Variants in ASIC2 observed in about 807,000 individuals in gnomAD.
ASIC2 encodes the protein acid-sensing ion channel 2.
A neutral mutation model predicts 57.3 loss-of-function variants in ASIC2; 25 were observed. That is an observed-to-expected ratio of 0.44 (90% CI 0.32 to 0.61). ASIC2 has a LOEUF of 0.61. ASIC2 is among the 20% of genes least tolerant of loss of function. The pLI is 0.06. For missense variants in ASIC2, 641 were observed against 738.1 expected (o/e 0.87, Z 1.52); for synonymous variants, 319 against 307.5 (o/e 1.04, Z -0.39).
intron 1 of ASIC2, among the ~76,000 whole-genome samples, chr17:34,055,928 A>G (rs1379354028): frequency 6.6e-6 from 1 of 152,324 alleles, no homozygotes; most frequent in South Asian, 2.1e-4. Context: ...CATTGGGAAT[A>G]GAGTAGAGGG....
At chr17:33,597,160 C>T (rs1905005705) in intron 1 of ASIC2, among the ~76,000 whole-genome samples, 1 of 152,226 alleles carries the variant, frequency 6.6e-6, no homozygotes. Flanking sequence ...CCAGCGGACA[C>T]CTGTTGACTG....
At chr17:33,970,306 G>A (rs1304918426) in intron 1 of ASIC2, among the ~76,000 whole-genome samples, 8 of 152,124 alleles carry the variant, frequency 5.3e-5, no homozygotes, top group African/African-American at 1.7e-4. Flanking sequence ...CCTCATTCTC[G>A]AAGCCCAGGC....
chr17:33,319,715 G>C (rs1431175123), intron 1 of ASIC2, among the ~76,000 whole-genome samples: 1 of 152,086 alleles, frequency 6.6e-6, no homozygotes, highest in Admixed American at 6.5e-5. Flanking sequence ...TGTATTTTTT[G>C]TAGAGATGGG....
chr17:33,220,847 T>C lies in ASIC2; in HGVS notation c.708+70561A>G. Among the ~76,000 whole-genome samples the C allele has an allele frequency of 1.3e-5, 2 of 152,006 alleles. 1 individual carries two copies. The highest frequency in any genetic ancestry group is 2.9e-5 in the Non-Finnish European group (2 of 68,018). ...CTTTGGGGGGCCGAGGCGGGAAAAT[T>C]GCTTGATCCCAGGAGTTTGAGACCA... On this transcript the variant is annotated intron_variant, in intron 1 of 9. Transcript: ENST00000225823.
intron 1 of ASIC2, among the ~76,000 whole-genome samples, chr17:33,200,981 C>T (rs1404547813): frequency 6.6e-6 from 1 of 152,130 alleles, no homozygotes; most frequent in Non-Finnish European, 1.5e-5. Context: ...GCCTGGAATG[C>T]TCCTTCCCCA....
At position 33,339,719 on chromosome 17, in the gene ASIC2, C is replaced by T. The variant is rs375296557; in HGVS notation, c.556-227652G>A. 7.9e-5 allele frequency among the ~76,000 whole-genome samples: 12 copies of T among 152,144 alleles called. No individual in the cohort carries two copies. The East Asian group carries it at 9.6e-4, about 12-fold the overall frequency. On this transcript the variant is annotated intron_variant, in intron 1 of 9. Coordinates refer to the ASIC2 transcript ENST00000359872. ...CTCTGAGGCTGCCTCCTCTTTCTGA[C>T]CTTGCACAAACCAAAGGCTGTGATG... is the stretch of plus-strand genomic sequence containing the variant.
At chr17:33,374,485 C>T (rs1481572860) in intron 1 of ASIC2, among the ~76,000 whole-genome samples, 1 of 152,128 alleles carries the variant, frequency 6.6e-6, no homozygotes, top group East Asian at 1.9e-4. Flanking sequence ...CCCCTCTGCC[C>T]ACCAAATTAT....
At chr17:33,746,267 T>G (rs2142100943) in intron 1 of ASIC2, among the ~76,000 whole-genome samples, 1 of 151,068 alleles carries the variant, frequency 6.6e-6, no homozygotes, top group Non-Finnish European at 1.5e-5. Context: ...TATATGTATA[T>G]ACATACGTGT....
intron 1 of ASIC2, among the ~76,000 whole-genome samples, chr17:33,974,782 A>G (rs1470674734): frequency 6.6e-6 from 1 of 151,826 alleles, no homozygotes; most frequent in Non-Finnish European, 1.5e-5. Context: ...GTATCCATCC[A>G]TTCACATCTG....
At chr17:33,981,326 A>AC (rs1173952837) in intron 1 of ASIC2, among the ~76,000 whole-genome samples, 1 of 152,024 alleles carries the variant, frequency 6.6e-6, no homozygotes, top group African/African-American at 2.4e-5. Flanking sequence ...CTTCCTGGGG[A>AC]CCCAGTCTGT....
chr17:33,548,283 T>A (rs1915642025), intron 1 of ASIC2, among the ~76,000 whole-genome samples: 1 of 152,224 alleles, frequency 6.6e-6, no homozygotes. Context: ...GAAGACAACC[T>A]ATGACAGAAT....
chr17:33,416,133 GTAT>G (rs747819085), intron 1 of ASIC2, among the ~76,000 whole-genome samples: 7 of 152,146 alleles, frequency 4.6e-5, no homozygotes, highest in Non-Finnish European at 8.8e-5. Context: ...TGGCTCCCTG[GTAT>G]CAGTCATGCA....
intron 1 of ASIC2, among the ~76,000 whole-genome samples, chr17:33,123,318 A>C (rs2092310334): frequency 6.6e-6 from 1 of 152,218 alleles, no homozygotes; most frequent in South Asian, 2.1e-4. Context: ...CTTTAAAAAG[A>C]AGGCAGTTCT....
intron 1 of ASIC2, among the ~76,000 whole-genome samples, chr17:33,979,987 A>G (rs1049169403): frequency 1.3e-5 from 2 of 152,310 alleles, no homozygotes; most frequent in Middle Eastern, 3.4e-3. Flanking sequence ...AACAGCAAGT[A>G]TCCGAGTCAC....
intron 1 of ASIC2, among the ~76,000 whole-genome samples, chr17:33,355,414 G>A (rs923911433): frequency 6.8e-6 from 1 of 146,236 alleles, no homozygotes; most frequent in African/African-American, 2.4e-5. Flanking sequence ...GGGGGTCAAA[G>A]CCCATCTGAG....
intron 1 of ASIC2, among the ~76,000 whole-genome samples, chr17:33,634,403 G>A (rs1906277376): frequency 6.6e-6 from 1 of 151,998 alleles, no homozygotes; most frequent in Non-Finnish European, 1.5e-5. Context: ...ACCTAAGTTA[G>A]TAACAATAAT....
At chr17:33,916,511 CA>C (rs1255279097) in intron 1 of ASIC2, among the ~76,000 whole-genome samples, 1 of 152,160 alleles carries the variant, frequency 6.6e-6, no homozygotes, top group African/African-American at 2.4e-5. Flanking sequence ...CAATTTAACT[CA>C]GTCTTTTAGC....
intron 1 of ASIC2, among the ~76,000 whole-genome samples, chr17:33,771,115 T>C (rs1442303477): frequency 2.0e-5 from 3 of 152,134 alleles, no homozygotes; most frequent in Admixed American, 6.5e-5. Flanking sequence ...TAAAACTACA[T>C]AGTAACTTAC....
intron 1 of ASIC2, among the ~76,000 whole-genome samples, chr17:33,158,294 A>T (rs753112134): frequency 6.6e-6 from 1 of 151,926 alleles, no homozygotes; most frequent in African/African-American, 2.4e-5. Flanking sequence ...TGAATGAATG[A>T]ATGAATGAGT....
Sources: allele counts gnomAD v4.1 joint callset (sites outside exome capture counted in the v4.1 genomes callset), GRCh38; gene constraint gnomAD v4.1.1; transcripts MANE v1.5; gene names NCBI Gene and HGNC (gene_info 2026-07-23, HGNC 2026-07-21).